The following BTD variants were observed in gnomAD, a reference collection of about 807,000 sequenced individuals.
The protein encoded by BTD is biocytinase.
In BTD, 13 loss-of-function variants were observed where a neutral mutation model predicts 17.7. The observed-to-expected ratio is 0.74, with a 90% CI of 0.48 to 1.17. BTD has a LOEUF of 1.17. Ranked by LOEUF, BTD falls within the 50% of genes most tolerant of loss-of-function variation. BTD has a pLI of 0.00. For synonymous variants in BTD, 240 were observed against 245.2 expected, an observed-to-expected ratio of 0.98 and a Z score of 0.20; for missense variants, 674 against 650.4, an observed-to-expected ratio of 1.04 and a Z score of -0.39.
intron 1 of BTD, among the ~76,000 whole-genome samples, chr3:15,628,373 A>G (rs1429300767): frequency 1.3e-5 from 2 of 152,260 alleles, no homozygotes; most frequent in Admixed American, 1.3e-4. Flanking sequence ...AAGCCATTAC[A>G]TGGCCCACAT....
chr3:15,610,649 A>G (rs1379637603), intron 1 of BTD, among the ~76,000 whole-genome samples: 1 of 152,156 alleles, frequency 6.6e-6, no homozygotes, highest in Admixed American at 6.5e-5. Flanking sequence ...CCAATCCCAC[A>G]CTATCTTAAT....
chr3:15,716,133 C>T (rs1292150756), downstream of BTD, among the ~76,000 whole-genome samples: 2 of 151,698 alleles, frequency 1.3e-5, no homozygotes, highest in African/African-American at 2.4e-5. Context: ...CAGGCATGCA[C>T]CACCATGCCC....
intron 2 of BTD, among the ~76,000 whole-genome samples, chr3:15,639,225 T>A (rs2065437512): frequency 6.6e-6 from 1 of 151,786 alleles, no homozygotes; most frequent in Non-Finnish European, 1.5e-5. Context: ...TTGGTTCCTC[T>A]CCTCATTCCT....
At chr3:15,618,884 A>G (rs1229931673) in intron 1 of BTD, among the ~76,000 whole-genome samples, 2 of 152,250 alleles carry the variant, frequency 1.3e-5, no homozygotes, top group East Asian at 3.8e-4. Context: ...TGAGAAATAA[A>G]TTGATGTTTG....
chr3:15,642,931 G>A (rs2065564914), intron 3 of BTD, among the ~76,000 whole-genome samples: 1 of 151,530 alleles, frequency 6.6e-6, no homozygotes, highest in Non-Finnish European at 1.5e-5. Context: ...GGGAGGCTGA[G>A]GCAGGAGAAT....
Position 15,646,925 on chromosome 3 carries a change from T to C in BTD, c.*1437T>C, listed in dbSNP as rs2065707409. On this transcript the variant is annotated 3_prime_UTR_variant, in exon 4 of 4. Coordinates refer to ENST00000643237, the MANE Select transcript of BTD (RefSeq NM_001370658.1). ...GGGGTTTCCATGCATGGCCTCACCA[T>C]TAACTCCTCACTGGGGAGACCTTGG... 1 of 152,208 alleles carries C rather than the reference T, an allele frequency of 6.6e-6. No homozygotes were observed. The highest frequency in any genetic ancestry group is 1.5e-5 in the Non-Finnish European group (1 of 68,040). The allele number at this position is 152,208 out of a possible 1,614,324, so 9.4% of individuals were successfully genotyped here. A position where few individuals can be genotyped will look rare whatever the true frequency, so the allele number is the denominator to read the frequency against.
In BTD at chr3:15,678,438, G is replaced by C. The variant is rs1350079499; in HGVS notation, c.400-31622G>C. 8.4e-6 allele frequency: 11 copies of C among 1,308,394 alleles called. No individual in the cohort carries two copies. In the African/African-American group the frequency reaches 1.6e-4, roughly 19 times the overall value. The allele number at this position is 1,308,394 out of a possible 1,614,324, so 81.0% of individuals were successfully genotyped here. A position where few individuals can be genotyped will look rare whatever the true frequency, so the allele number is the denominator to read the frequency against. ...AATATTCTTTAATTTGTGACATGCT[G>C]TTTTTAAGGGTTTACATATTAGGCT... On this transcript the variant is annotated intron_variant, in intron 3 of 3. Transcript: ENST00000672141.
At chr3:15,670,559 A>C in intron 3 of BTD, 1 of 1,605,954 alleles carries the variant, frequency 6.2e-7, no homozygotes, top group Non-Finnish European at 8.5e-7. Flanking sequence ...GGTATAGCCT[A>C]GAATTAAAGA....
intron 1 of BTD, among the ~76,000 whole-genome samples, chr3:15,613,117 G>C (rs1188568459): frequency 6.6e-6 from 1 of 152,138 alleles, no homozygotes; most frequent in African/African-American, 2.4e-5. Flanking sequence ...CTACATATGT[G>C]AAAGCCCTTC....
chr3:15,648,144 A>G lies in BTD; in HGVS notation c.*2656A>G, dbSNP rs1013217314. ...AGTAGCCCAGGAGGTGTCCCTGCACAGAAGATCTCCTCAGAGAGGACCGAT... is the reference window on the plus strand; with the variant it reads ...AGTAGCCCAGGAGGTGTCCCTGCACGGAAGATCTCCTCAGAGAGGACCGAT... On this transcript the variant is annotated 3_prime_UTR_variant, in exon 4 of 4. Transcript: ENST00000643237. Among the ~76,000 whole-genome samples, 1 of 152,230 alleles carries G rather than the reference A, an allele frequency of 6.6e-6. No individual in the cohort carries two copies. Among genetic ancestry groups the G allele is most frequent in the Non-Finnish European group, 1.5e-5 (1 of 68,036 alleles).
intron 3 of BTD, among the ~76,000 whole-genome samples, chr3:15,671,334 G>A (rs2066322843): frequency 6.6e-6 from 1 of 152,152 alleles, no homozygotes; most frequent in African/African-American, 2.4e-5. Context: ...GAGCGGGAGA[G>A]AAGTGATAAT....
chr3:15,634,279 G>A (rs2065288203), intron 1 of BTD, among the ~76,000 whole-genome samples: 1 of 152,162 alleles, frequency 6.6e-6, no homozygotes, highest in Admixed American at 6.5e-5. Flanking sequence ...TCTTTTTAAA[G>A]GGCAGCAATA....
rs564349570 is a variant in BTD at position 15,706,359 on chromosome 3, C to A, written c.400-3701C>A. The stretch of plus-strand genomic sequence containing the variant: ...TGTGGTGTTTGGTTTTTTGTCCTTG[C>A]GATAGTTTGCTCAGAATGATGTTTC... On this transcript the variant is annotated intron_variant, in intron 3 of 3. Coordinates refer to the BTD transcript ENST00000672141. Among the ~76,000 whole-genome samples the A allele has an allele frequency of 1.3e-4, 10 of 76,436 alleles. No individual in the cohort carries two copies. In the East Asian group the frequency reaches 3.7e-3, roughly 28 times the overall value. 50.1% of individuals were successfully genotyped at this position (76,436 alleles called of 152,430 possible).
At chr3:15,625,301 C>T (rs553327737) in intron 1 of BTD, among the ~76,000 whole-genome samples, 1 of 152,216 alleles carries the variant, frequency 6.6e-6, no homozygotes, top group African/African-American at 2.4e-5. Context: ...ATTTCCCTTC[C>T]CCCAGGTCAG....
At chr3:15,706,183 T>A (rs758883077) in intron 3 of BTD, among the ~76,000 whole-genome samples, 4 of 152,138 alleles carry the variant, frequency 2.6e-5, no homozygotes, top group Non-Finnish European at 5.9e-5. Flanking sequence ...GTTGGTGTGC[T>A]GCACCCATTA....
intron 1 of BTD, among the ~76,000 whole-genome samples, chr3:15,616,713 T>C (rs1431331124): frequency 6.6e-6 from 1 of 152,208 alleles, no homozygotes; most frequent in African/African-American, 2.4e-5. Context: ...TGCATAGTGG[T>C]ATCTAATTTT....
intron 1 of BTD, among the ~76,000 whole-genome samples, chr3:15,607,716 G>A (rs1236119945): frequency 6.6e-6 from 1 of 152,066 alleles, no homozygotes; most frequent in Non-Finnish European, 1.5e-5. Context: ...CATTATAGAA[G>A]CTAAAAATGA....
chr3:15,620,499 G>A (rs2064920225), intron 1 of BTD, among the ~76,000 whole-genome samples: 1 of 152,142 alleles, frequency 6.6e-6, no homozygotes, highest in Non-Finnish European at 1.5e-5. Flanking sequence ...GTCTTCCCTT[G>A]TTCCATAAAA....
At chr3:15,606,773 T>C (rs1413441285) in intron 1 of BTD, 1 of 152,246 alleles carries the variant, frequency 6.6e-6, no homozygotes, top group East Asian at 1.9e-4. Flanking sequence ...ATTTGAGTTC[T>C]GGCTCACTGG....
Sources: gnomAD v4.1 joint callset for allele counts (sites outside exome capture counted in the v4.1 genomes callset) on GRCh38, gnomAD v4.1.1 for gene constraint, MANE v1.5 for transcripts, NCBI Gene and HGNC (gene_info 2026-07-23, HGNC 2026-07-21) for gene names.